Variants in OGFRL1 observed in about 807,000 individuals in gnomAD.
OGFRL1 encodes opioid growth factor receptor like 1, also known as opioid growth factor receptor-like protein 1.
A neutral mutation model predicts 32.4 loss-of-function variants in OGFRL1; 26 were observed. The observed-to-expected ratio is 0.80, with a 90% CI of 0.59 to 1.11. The LOEUF is 1.11. OGFRL1 is among the 50% of genes most tolerant of loss of function. OGFRL1 has a pLI of 0.00. For missense variants in OGFRL1, 521 were observed against 546.4 expected (o/e 0.95, Z 0.46); for synonymous variants, 211 against 201.2 (o/e 1.05, Z -0.41).
chr6:71,289,548 T>TAAAAAAAAAAAAAA (rs1158690810), intron 1 of OGFRL1: 27 of 541,846 alleles, frequency 5.0e-5, no homozygotes, highest in Admixed American at 2.3e-4. Context: ...GTGTTATTGG[T>TAAAAAAAAAAAAAA]AAAAAAAAAA....
At chr6:71,292,291 G>A (rs1279178516) in intron 1 of OGFRL1, among the ~76,000 whole-genome samples, 1 of 152,206 alleles carries the variant, frequency 6.6e-6, no homozygotes, top group Admixed American at 6.5e-5. Flanking sequence ...AAGATTTGAT[G>A]TTGAAGTAAC....
rs555339935 is a variant in OGFRL1, at chr6:71,307,289, G to T, written c.*5240G>T. 1 of 152,106 alleles carries T rather than the reference G, an allele frequency of 6.6e-6. No homozygotes were observed. The highest frequency in any genetic ancestry group is 2.4e-5 in the African/African-American group (1 of 41,402). 9.4% of individuals were successfully genotyped at this position (152,106 alleles called of 1,614,324 possible). Reference sequence around the variant, plus strand: ...CTCAGATTCTCCTCTGGATAATGAGGGTGTTGGGCACTGTGAGCTCTGACT... The same window carrying T: ...CTCAGATTCTCCTCTGGATAATGAGTGTGTTGGGCACTGTGAGCTCTGACT... On this transcript the variant is annotated 3_prime_UTR_variant, in exon 7 of 7. Transcript: ENST00000370435.
At chr6:71,296,457 A>G (rs1445267060) in intron 4 of OGFRL1, 38 bp from the exon 5 acceptor site, 1 of 1,593,244 alleles carries the variant, frequency 6.3e-7, no homozygotes, top group Non-Finnish European at 8.6e-7. Context: ...TTTCCAGACA[A>G]CGTTAATAGA....
At chr6:71,289,646 G>A (rs187918937) in intron 1 of OGFRL1, 1 of 982,102 alleles carries the variant, frequency 1.0e-6, no homozygotes, top group Non-Finnish European at 1.2e-6. Flanking sequence ...TGGGGTCTAA[G>A]CCGTCAGAAG....
chr6:71,289,119 C>T lies in OGFRL1; in HGVS notation c.183C>T (p.Pro61=), dbSNP rs1014949355. 9.0e-7 allele frequency: 1 copy of T among 1,108,868 alleles called. No individual in the cohort carries two copies. Among genetic ancestry groups the T allele is most frequent in the Non-Finnish European group, 1.1e-6 (1 of 911,014 alleles). The allele number at this position is 1,108,868 out of a possible 1,614,324, so 68.7% of individuals were successfully genotyped here. The change falls in exon 1 of 7, where the codon CCC becomes CCT. Residue 61 remains proline (P), a synonymous_variant. Coordinates refer to ENST00000370435, the MANE Select transcript of OGFRL1 (RefSeq NM_024576.5). ...CCCCGGAGCAAGCCGGCGGGCGGCC[C>T]GGCGCCAGCCCCGCGCCGGACGAGG... ...AQPPEQAGGR[P]GASPAPDEDA...
At chr6:71,292,191 C>G (rs1295863836) in intron 1 of OGFRL1, among the ~76,000 whole-genome samples, 2 of 152,180 alleles carry the variant, frequency 1.3e-5, no homozygotes, top group African/African-American at 4.8e-5. Context: ...ACTTGCTAGG[C>G]AGAGCTATTT....
At chr6:71,289,492 G>A in intron 1 of OGFRL1, 1 of 981,226 alleles carries the variant, frequency 1.0e-6, no homozygotes, top group East Asian at 1.2e-4. Context: ...GGTGGGGTGG[G>A]AGGAACCTGT....
chr6:71,294,560 A>C (rs1053304833), intron 3 of OGFRL1, among the ~76,000 whole-genome samples: 1 of 152,170 alleles, frequency 6.6e-6, no homozygotes, highest in Non-Finnish European at 1.5e-5. Context: ...GAGTCCCAGT[A>C]CTGTGTACCA....
intron 1 of OGFRL1, chr6:71,292,025 G>A (rs1466135559): frequency 6.6e-6 from 1 of 152,246 alleles, no homozygotes; most frequent in East Asian, 1.9e-4. Flanking sequence ...AATCAGGTGT[G>A]TTTTAAGAAT....
intron 6 of OGFRL1, 126 bp downstream of exon 6, chr6:71,296,943 T>A (rs571496458): frequency 5.8e-5 from 62 of 1,068,170 alleles, no homozygotes; most frequent in Non-Finnish European, 8.1e-5. Context: ...AAAAAGCTAG[T>A]CTGAAATGCA....
At chr6:71,301,323 T>G (rs1193910288) in intron 6 of OGFRL1, 63 bp from the exon 7 acceptor site, 2 of 1,358,472 alleles carry the variant, frequency 1.5e-6, no homozygotes, top group Admixed American at 4.6e-5. Flanking sequence ...CCCAATAGTT[T>G]TCATTCTCCT....
rs754658300 is a variant in OGFRL1 at position 71,302,086 on chromosome 6, A to G, written c.*37A>G. ...ACCCAGAAGCCAGTTTAGGCTAGAGAGGAAAAAACTACTGTATCATTTATC... is the reference window on the plus strand; with the variant it reads ...ACCCAGAAGCCAGTTTAGGCTAGAGGGGAAAAAACTACTGTATCATTTATC... On this transcript the variant is annotated 3_prime_UTR_variant, in exon 7 of 7. Coordinates refer to ENST00000370435, the MANE Select transcript of OGFRL1 (RefSeq NM_024576.5). 1 of 1,454,516 alleles carries G rather than the reference A, an allele frequency of 6.9e-7. No homozygotes were observed. The highest frequency in any genetic ancestry group is 9.0e-7 in the Non-Finnish European group (1 of 1,106,480). The allele number at this position is 1,454,516 out of a possible 1,614,324, so 90.1% of individuals were successfully genotyped here.
chr6:71,296,308 AC>A lies in OGFRL1; in HGVS notation c.401-8del, dbSNP rs1561948219. 1 of 1,541,372 alleles carries A rather than the reference AC, an allele frequency of 6.5e-7. No homozygotes were observed. The highest frequency in any genetic ancestry group is 8.9e-7 in the Non-Finnish European group (1 of 1,121,760). Reference sequence around the variant, plus strand: ...ATGTCTGGTTCATTTTTAAATATTTACTATTTAGGTGTTTACATTGAAGAAG... The same window carrying A: ...ATGTCTGGTTCATTTTTAAATATTTATATTTAGGTGTTTACATTGAAGAAG... On this transcript the variant is annotated splice_region_variant and splice_polypyrimidine_tract_variant and intron_variant, in intron 3 of 6. Transcript: ENST00000370435.
In OGFRL1 at chr6:71,301,772, G is replaced by C. The variant is rs766642252; in HGVS notation, c.1079G>C (p.Ser360Thr). Reference protein sequence around the residue: ...KNSSSAVHLNSKTAEDKKVAP... With the variant: ...KNSSSAVHLNTKTAEDKKVAP... The stretch of plus-strand genomic sequence containing the variant: ...TCCTCCTCAGCTGTTCATTTAAATA[G>C]CAAAACAGCTGAAGACAAAAAAGTG... The change falls in exon 7 of 7, where the codon AGC (serine) becomes ACC (threonine). Residue 360 changes from serine to threonine, a missense_variant. Coordinates refer to ENST00000370435, the MANE Select transcript of OGFRL1 (RefSeq NM_024576.5). 1 of 1,613,880 alleles carries C rather than the reference G, an allele frequency of 6.2e-7. No individual in the cohort carries two copies. Among genetic ancestry groups the C allele is most frequent in the South Asian group, 1.1e-5 (1 of 91,048 alleles).
rs140095481 is a variant in OGFRL1, at chr6:71,301,615, G to A, written c.922G>A (p.Glu308Lys). The change falls in exon 7 of 7, where the codon GAG becomes AAG. Residue 308 changes from glutamate to lysine, a missense_variant. By Grantham distance (56) the Glu-to-Lys change is moderately conservative. Coordinates refer to ENST00000370435, the MANE Select transcript of OGFRL1 (RefSeq NM_024576.5). ...CGCCCAGAAACACTACACGCCTTCA[G>A]AGAACTTTATCTGGGGACCGCCTCG... is the stretch of plus-strand genomic sequence containing the variant. ...RFAQKHYTPS[E>K]NFIWGPPRKE... The A allele has an allele frequency of 3.8e-5, 61 of 1,614,072 alleles. No homozygotes were observed. In the African/African-American group the frequency reaches 6.9e-4, roughly 18 times the overall value.
chr6:71,301,432 G>A lies in OGFRL1; in HGVS notation c.739G>A (p.Gly247Ser). The change falls in exon 7 of 7, where the codon GGT becomes AGT. Residue 247 changes from glycine (G) to serine (S), a missense_variant. Gly to Ser is a moderately conservative substitution (Grantham distance 56). Coordinates refer to ENST00000370435, the MANE Select transcript of OGFRL1 (RefSeq NM_024576.5). ...LRITRILKSL[G>S]ELGYESFKSP... ...AATCACTCGTATTCTTAAAAGCCTT[G>A]GTGAGCTTGGATATGAAAGTTTTAA... 6.2e-7 allele frequency: 1 copy of A among 1,607,542 alleles called. No homozygotes were observed. The highest frequency in any genetic ancestry group is 8.5e-7 in the Non-Finnish European group (1 of 1,178,244).
chr6:71,289,219 C>A, intron 1 of OGFRL1, 49 bp downstream of exon 1: 1 of 1,044,182 alleles, frequency 9.6e-7, no homozygotes, highest in Non-Finnish European at 1.1e-6. Context: ...GCCCCGACAC[C>A]CCAGAGGGGC....
At chr6:71,300,641 C>A (rs1027193152) in intron 6 of OGFRL1, among the ~76,000 whole-genome samples, 3 of 151,656 alleles carry the variant, frequency 2.0e-5, no homozygotes, top group Non-Finnish European at 4.4e-5. Flanking sequence ...TTCTATATAC[C>A]CAGCATGTGT....
chr6:71,294,609 G>A (rs773189129), intron 3 of OGFRL1, among the ~76,000 whole-genome samples: 3 of 152,178 alleles, frequency 2.0e-5, no homozygotes, highest in South Asian at 4.1e-4. Flanking sequence ...TGAGAACATC[G>A]TTGACGTGGC....
Sources: gnomAD v4.1 joint callset for allele counts (sites outside exome capture counted in the v4.1 genomes callset) on GRCh38, gnomAD v4.1.1 for gene constraint, MANE v1.5 for transcripts, NCBI Gene and HGNC (gene_info 2026-07-23, HGNC 2026-07-21) for gene names.